Variants in TMEM132C observed in about 807,000 individuals in gnomAD.
TMEM132C encodes protein phosphatase 1, regulatory subunit 152.
In TMEM132C, 29 loss-of-function variants were observed where a neutral mutation model predicts 61.4. The observed-to-expected ratio is 0.47, with a 90% CI of 0.35 to 0.64. The LOEUF (loss-of-function observed/expected upper bound fraction) is 0.64, where lower values mean the gene tolerates loss of function less well. Ranked by LOEUF, TMEM132C falls within the 30% of genes least tolerant of loss-of-function variation. The probability of loss-of-function intolerance (pLI) is 0.00; values close to 1 mark genes in which losing one functional copy is unlikely to be tolerated. For missense variants in TMEM132C, 1,408 were observed against 1,476.9 expected, an observed-to-expected ratio of 0.95 and a Z score of 0.76; for synonymous variants, 656 against 633.1, an observed-to-expected ratio of 1.04 and a Z score of -0.54.
Position 128,694,038 on chromosome 12 carries a change from A to G in TMEM132C, c.1655+4A>G, listed in dbSNP as rs1230819743. 2 of 1,551,476 alleles carry G rather than the reference A, an allele frequency of 1.3e-6. No individual in the cohort carries two copies. The highest frequency in any genetic ancestry group is 1.2e-5 in the South Asian group (1 of 84,044). ...TCCCCATTGTGACCAATAAGAGGTG[A>G]GCCTCGGATGGGGAGATGCCCTAGA... On this transcript the variant is annotated splice_donor_region_variant and intron_variant, in intron 6 of 8. Transcript: ENST00000435159.
chr12:128,527,462 CT>C (rs1226371048), intron 2 of TMEM132C, among the ~76,000 whole-genome samples: 1 of 152,208 alleles, frequency 6.6e-6, no homozygotes, highest in African/African-American at 2.4e-5. Flanking sequence ...CATCTTCCCC[CT>C]GCCAAAGCTC....
At chr12:128,481,223 C>T (rs942439634) in intron 2 of TMEM132C, among the ~76,000 whole-genome samples, 12 of 152,176 alleles carry the variant, frequency 7.9e-5, no homozygotes, top group African/African-American at 1.9e-4. Context: ...TAAGGGTACA[C>T]GGGTGCTAGC....
At chr12:128,688,692 AAG>A (rs1289989717) in intron 5 of TMEM132C, among the ~76,000 whole-genome samples, 1 of 152,258 alleles carries the variant, frequency 6.6e-6, no homozygotes, top group Non-Finnish European at 1.5e-5. Flanking sequence ...CTGAAAGTAA[AAG>A]AGAGAAAAAG....
intron 2 of TMEM132C, among the ~76,000 whole-genome samples, chr12:128,518,364 G>A (rs1460308144): frequency 1.3e-5 from 2 of 152,214 alleles, no homozygotes; most frequent in Non-Finnish European, 2.9e-5. Flanking sequence ...AAGATGGAAA[G>A]TTCAGGCGGC....
intron 3 of TMEM132C, among the ~76,000 whole-genome samples, chr12:128,606,444 C>T (rs988233175): frequency 6.6e-6 from 1 of 152,188 alleles, no homozygotes; most frequent in Non-Finnish European, 1.5e-5. Flanking sequence ...ATTCCCCCTG[C>T]CTGTATTTCC....
At chr12:128,696,643 A>G (rs1051302370) in intron 7 of TMEM132C, among the ~76,000 whole-genome samples, 4 of 152,124 alleles carry the variant, frequency 2.6e-5, no homozygotes, top group African/African-American at 9.7e-5. Context: ...CCTTTTCCTC[A>G]ATCCCTCAAG....
At chr12:128,300,523 T>C (rs1038157720) in intron 1 of TMEM132C, among the ~76,000 whole-genome samples, 5 of 152,210 alleles carry the variant, frequency 3.3e-5, no homozygotes, top group Non-Finnish European at 5.9e-5. Context: ...TTGAGTGTGT[T>C]TGCCTGAGTT....
At chr12:128,463,341 G>C (rs1029101931) in intron 2 of TMEM132C, among the ~76,000 whole-genome samples, 2 of 151,870 alleles carry the variant, frequency 1.3e-5, no homozygotes, top group Non-Finnish European at 2.9e-5. Flanking sequence ...TTTTCGAGAC[G>C]GAGTTTCTCT....
chr12:128,670,185 C>T (rs906415340), intron 5 of TMEM132C, among the ~76,000 whole-genome samples: 1 of 152,118 alleles, frequency 6.6e-6, no homozygotes, highest in Non-Finnish European at 1.5e-5. Context: ...TGGTGCACAC[C>T]TGTAATCCCA....
intron 2 of TMEM132C, among the ~76,000 whole-genome samples, chr12:128,463,371 T>C (rs1239529385): frequency 6.6e-6 from 1 of 152,022 alleles, no homozygotes; most frequent in Non-Finnish European, 1.5e-5. Context: ...CGGGCTGGAG[T>C]GCAATGACGC....
intron 7 of TMEM132C, 138 bp downstream of exon 7, chr12:128,696,241 C>T: frequency 8.1e-7 from 1 of 1,240,466 alleles, no homozygotes; most frequent in Non-Finnish European, 1.1e-6. Context: ...TGAGCCCAGG[C>T]CAGATCTTGA....
intron 2 of TMEM132C, among the ~76,000 whole-genome samples, chr12:128,539,464 A>C (rs1381511218): frequency 6.6e-6 from 1 of 152,166 alleles, no homozygotes; most frequent in Non-Finnish European, 1.5e-5. Flanking sequence ...AAAATACAAA[A>C]AAAATTAGCT....
chr12:128,681,652 A>T (rs1359908650), intron 5 of TMEM132C, among the ~76,000 whole-genome samples: 1 of 98,536 alleles, frequency 1.0e-5, no homozygotes, highest in African/African-American at 4.0e-5. Context: ...ACCAGACTGT[A>T]TCTTTTTTTT....
rs75528545 is a variant in TMEM132C at position 128,326,851 on chromosome 12, T to C, written c.85+59364T>C. ...AAACAGCACTCAGGAATTAATTGTA[T>C]TTTTAATAAAGCAGAGGCTTTTGTT... On this transcript the variant is annotated intron_variant, in intron 1 of 8. Transcript: ENST00000435159. The surrounding 1 kb of genome is among the most constrained non-coding windows in gnomAD (Gnocchi z 5.6). Among the ~76,000 whole-genome samples the C allele has an allele frequency of 3.0e-3, 448 of 149,924 alleles. 9 individuals are homozygous for C. The East Asian group carries it at 0.037, about 12-fold the overall frequency.
intron 1 of TMEM132C, among the ~76,000 whole-genome samples, chr12:128,394,346 G>A (rs1273016864): frequency 6.6e-6 from 1 of 152,108 alleles, no homozygotes; most frequent in African/African-American, 2.4e-5. Context: ...AAGAACATAC[G>A]GATTCCAGAC....
Position 128,492,146 on chromosome 12 carries a change from C to T in TMEM132C, c.975-51811C>T, listed in dbSNP as rs1440913763. On this transcript the variant is annotated intron_variant, in intron 2 of 8. Coordinates refer to ENST00000435159, the MANE Select transcript of TMEM132C (RefSeq NM_001136103.3). ...ATAGTTTGCTGAGAATGATGGTTTC[C>T]AGCTTCATCCATGTCCCTACAAAGG... Among the ~76,000 whole-genome samples the T allele has an allele frequency of 2.0e-5, 3 of 152,200 alleles. No homozygotes were observed. The South Asian group carries it at 6.2e-4, about 32-fold the overall frequency.
chr12:128,309,143 C>T (rs1343859962), intron 1 of TMEM132C, among the ~76,000 whole-genome samples: 1 of 152,104 alleles, frequency 6.6e-6, no homozygotes, highest in African/African-American at 2.4e-5. Flanking sequence ...CAGCCAAGAC[C>T]TGGTGAGGCA....
At chr12:128,705,028 A>G in intron 8 of TMEM132C, 62 bp from the exon 9 acceptor site, 1 of 1,456,320 alleles carries the variant, frequency 6.9e-7, no homozygotes, top group Admixed American at 2.6e-5. Context: ...TCCTCCTAGG[A>G]GGGGGTTTCT....
At chr12:128,393,591 T>C (rs915170132) in intron 1 of TMEM132C, among the ~76,000 whole-genome samples, 4 of 152,220 alleles carry the variant, frequency 2.6e-5, no homozygotes, top group African/African-American at 9.6e-5. Flanking sequence ...TTAGCTTTCT[T>C]CTGTGACAGG....
Sources: allele counts gnomAD v4.1 joint callset (sites outside exome capture counted in the v4.1 genomes callset), GRCh38; gene constraint gnomAD v4.1.1; non-coding constraint Gnocchi (gnomAD v3.1); transcripts MANE v1.5; gene names NCBI Gene and HGNC (gene_info 2026-07-23, HGNC 2026-07-21).